The following GPR89B variants were observed in gnomAD, a reference collection of about 807,000 sequenced individuals.
GPR89B encodes golgi pH regulator B.
A neutral mutation model predicts 52.4 loss-of-function variants in GPR89B; 25 were observed. The ratio of observed to expected loss-of-function variants is 0.48; its 90% CI spans 0.35 to 0.67. GPR89B has a LOEUF of 0.67. Ranked by LOEUF, GPR89B falls within the 30% of genes least tolerant of loss-of-function variation. The probability of loss-of-function intolerance (pLI) is 0.01; values close to 1 mark genes in which losing one functional copy is unlikely to be tolerated. For missense variants in GPR89B, 146 were observed against 450.2 expected, an observed-to-expected ratio of 0.32 and a Z score of 6.11; for synonymous variants, 52 against 151.2, an observed-to-expected ratio of 0.34 and a Z score of 4.81.
At chr1:148,008,923 A>T in the GPR89B span, among the ~76,000 whole-genome samples, 2 of 149,600 alleles carry the variant, frequency 1.3e-5, no homozygotes, top group East Asian at 1.9e-4. Flanking sequence ...GCACTCAGAT[A>T]AAAAAAAAAG....
chr1:147,947,408 G>A (rs1342703873), intron 5 of GPR89B, among the ~76,000 whole-genome samples: 2 of 151,258 alleles, frequency 1.3e-5, no homozygotes, highest in Non-Finnish European at 2.9e-5. Context: ...TACTTCTTGT[G>A]CTGTGTCTGA....
chr1:148,020,886 C>G, the GPR89B span, among the ~76,000 whole-genome samples: 1 of 151,578 alleles, frequency 6.6e-6, no homozygotes, highest in Non-Finnish European at 1.5e-5. Flanking sequence ...CGGGGTTTCA[C>G]CATGTTGGCT....
the GPR89B span, among the ~76,000 whole-genome samples, chr1:148,003,056 C>A: frequency 3.3e-5 from 5 of 152,192 alleles, no homozygotes; most frequent in African/African-American, 1.2e-4. Flanking sequence ...CTCTTATCTA[C>A]TAAATGGTAG....
downstream of GPR89B, chr1:147,995,944 C>G: frequency 6.9e-7 from 1 of 1,444,758 alleles, no homozygotes; most frequent in Non-Finnish European, 9.7e-7. Context: ...ATCAGACTAG[C>G]TCTCCTTAAG....
chr1:147,964,247 T>A (rs1404215723), intron 7 of GPR89B, among the ~76,000 whole-genome samples: 65 of 151,422 alleles, frequency 4.3e-4, no homozygotes, highest in Non-Finnish European at 1.8e-4. Context: ...AAAGTTTAAC[T>A]AAAAAAAAGT....
chr1:148,009,375 C>T, the GPR89B span: 3 of 1,612,072 alleles, frequency 1.9e-6, no homozygotes, highest in Non-Finnish European at 2.5e-6. Context: ...GCCATGGCTG[C>T]CTCCCTCCTT....
At chr1:147,952,549 G>A (rs1655800948) in intron 5 of GPR89B, among the ~76,000 whole-genome samples, 1 of 152,126 alleles carries the variant, frequency 6.6e-6, no homozygotes, top group Non-Finnish European at 1.5e-5. Context: ...GAATTATATA[G>A]CTCTGGCATT....
At chr1:148,009,768 T>G in the GPR89B span, among the ~76,000 whole-genome samples, 1 of 152,108 alleles carries the variant, frequency 6.6e-6, no homozygotes, top group Non-Finnish European at 1.5e-5. Flanking sequence ...AAGATCCAGG[T>G]GCAGATTAGC....
At position 147,932,847 on chromosome 1, in the gene GPR89B, G is replaced by C. The variant is rs186511298; in HGVS notation, c.43-3780G>C. 5.4e-3 allele frequency among the ~76,000 whole-genome samples: 819 copies of C among 151,988 alleles called. 8 individuals are homozygous for C. The highest frequency in any genetic ancestry group is 0.019 in the African/African-American group (775 of 41,452). ...ATTTCTAAACAGACAGACTCAATAAGAGCTGAAAAAATAATATTTAAAAAA... is the reference window on the plus strand; with the variant it reads ...ATTTCTAAACAGACAGACTCAATAACAGCTGAAAAAATAATATTTAAAAAA... On this transcript the variant is annotated intron_variant, in intron 1 of 13. Coordinates refer to ENST00000314163, the MANE Select transcript of GPR89B (RefSeq NM_016334.5).
chr1:148,017,105 G>A, the GPR89B span, among the ~76,000 whole-genome samples: 1 of 151,614 alleles, frequency 6.6e-6, no homozygotes, highest in South Asian at 2.1e-4. Context: ...GCAGTGGCGC[G>A]ATATTGGCTC....
chr1:147,951,596 G>A (rs1350429616), intron 5 of GPR89B, among the ~76,000 whole-genome samples: 4 of 151,836 alleles, frequency 2.6e-5, no homozygotes, highest in African/African-American at 9.7e-5. Flanking sequence ...AGCAAAGAAG[G>A]AAATATTGAA....
chr1:147,988,170 T>C (rs1422029120), intron 11 of GPR89B, among the ~76,000 whole-genome samples: 4 of 151,686 alleles, frequency 2.6e-5, no homozygotes, highest in Admixed American at 6.6e-5. Context: ...CTGAACTACA[T>C]AGCAAGACCC....
At chr1:147,954,615 C>T (rs1428713072) in intron 7 of GPR89B, among the ~76,000 whole-genome samples, 5 of 151,576 alleles carry the variant, frequency 3.3e-5, no homozygotes, top group African/African-American at 7.3e-5. Flanking sequence ...CCCAGAAGTT[C>T]GAGACTAGCC....
At chr1:148,015,257 A>G in the GPR89B span, among the ~76,000 whole-genome samples, 1 of 142,764 alleles carries the variant, frequency 7.0e-6, no homozygotes, top group Admixed American at 7.1e-5. Flanking sequence ...CCCATACGAC[A>G]TGAGGACGTA....
At chr1:147,979,840 G>A (rs1316195753) in intron 10 of GPR89B, among the ~76,000 whole-genome samples, 1 of 151,926 alleles carries the variant, frequency 6.6e-6, no homozygotes, top group Admixed American at 6.6e-5. Context: ...TGTATTCCCA[G>A]TACTTTGGGA....
At chr1:148,022,153 A>G in the GPR89B span, among the ~76,000 whole-genome samples, 3 of 151,862 alleles carry the variant, frequency 2.0e-5, no homozygotes, top group Non-Finnish European at 4.4e-5. Flanking sequence ...GAGGTTTACC[A>G]TTTTTTACAG....
chr1:147,948,512 G>A (rs370593364), intron 5 of GPR89B, among the ~76,000 whole-genome samples: 2 of 151,384 alleles, frequency 1.3e-5, no homozygotes, highest in African/African-American at 4.9e-5. Context: ...TAGGGAAAAG[G>A]TGTACATGTA....
intron 7 of GPR89B, among the ~76,000 whole-genome samples, chr1:147,961,748 A>G (rs1191551351): frequency 2.0e-5 from 3 of 151,856 alleles, no homozygotes; most frequent in African/African-American, 4.9e-5. Flanking sequence ...AATGAAATAC[A>G]TAGAAGTCTA....
chr1:147,937,437 C>T (rs1654183061), intron 2 of GPR89B, among the ~76,000 whole-genome samples: 1 of 152,114 alleles, frequency 6.6e-6, no homozygotes, highest in Admixed American at 6.5e-5. Context: ...AGCAGACAAC[C>T]AGTCTGACTA....
Sources: allele counts gnomAD v4.1 joint callset (sites outside exome capture counted in the v4.1 genomes callset), GRCh38; gene constraint gnomAD v4.1.1; transcripts MANE v1.5; gene names NCBI Gene and HGNC (gene_info 2026-07-23, HGNC 2026-07-21).